APTX: variants seen among roughly 807,000 people sequenced by gnomAD.
The protein encoded by APTX is forkhead-associated domain histidine triad-like protein.
APTX carries 33 observed loss-of-function variants against 42.3 expected under a neutral mutation model. The observed-to-expected ratio is 0.78, with a 90% confidence interval of 0.59 to 1.04. The LOEUF (loss-of-function observed/expected upper bound fraction) is 1.04, where lower values mean the gene tolerates loss of function less well. Ranked by LOEUF, APTX falls within the 50% of genes least tolerant of loss-of-function variation. APTX has a pLI of 0.00. For missense variants in APTX, 421 were observed against 415.1 expected (o/e 1.01, Z -0.12); for synonymous variants, 130 against 146.7 (o/e 0.89, Z 0.82).
At chr9:32,991,052 G>A (rs1339071145) in intron 1 of APTX, among the ~76,000 whole-genome samples, 1 of 151,854 alleles carries the variant, frequency 6.6e-6, no homozygotes, top group Non-Finnish European at 1.5e-5. Flanking sequence ...TCAGCCTCCC[G>A]AGTAGCTGGG....
At chr9:33,014,232 GACCTCTC>G (rs139450483) in intron 1 of APTX, among the ~76,000 whole-genome samples, 10,710 of 152,222 alleles carry the variant, frequency 0.07, 504 homozygotes, top group Non-Finnish European at 0.11. Context: ...CCTGAGGACT[GACCTCTC>G]AGTCTGGTAA....
intron 6 of APTX, among the ~76,000 whole-genome samples, chr9:32,983,854 G>A (rs181089137): frequency 1.7e-4 from 26 of 152,214 alleles, no homozygotes; most frequent in Admixed American, 1.2e-3. Context: ...GAGTGGGAGG[G>A]GGAAATGGAG....
intron 1 of APTX, among the ~76,000 whole-genome samples, chr9:33,014,092 C>A (rs1837730642): frequency 6.6e-6 from 1 of 152,178 alleles, no homozygotes; most frequent in South Asian, 2.1e-4. Flanking sequence ...GTGGCTTGTG[C>A]CTAGGTCTTC....
intron 1 of APTX, among the ~76,000 whole-genome samples, chr9:33,014,651 A>T (rs956249806): frequency 6.6e-6 from 1 of 152,222 alleles, no homozygotes; most frequent in Non-Finnish European, 1.5e-5. Context: ...TTCACTCAAC[A>T]AACACTTCTT....
intron 1 of APTX, chr9:33,020,004 T>A: frequency 2.4e-6 from 1 of 408,702 alleles, no homozygotes; most frequent in South Asian, 9.6e-5. Context: ...TGCTAGGACC[T>A]GACACGTGCG....
chr9:33,007,303 T>C (rs567537394), intron 1 of APTX, among the ~76,000 whole-genome samples: 2 of 152,168 alleles, frequency 1.3e-5, no homozygotes, highest in Non-Finnish European at 2.9e-5. Flanking sequence ...AAGAACTGTA[T>C]GTGGATTCAT....
chr9:33,024,069 G>C (rs1385596389), intron 1 of APTX, among the ~76,000 whole-genome samples: 1 of 152,182 alleles, frequency 6.6e-6, no homozygotes, highest in Admixed American at 6.5e-5. Context: ...GGTTAATATA[G>C]GAGGCTCTCC....
chr9:33,006,377 A>G (rs1485244260), upstream of APTX, among the ~76,000 whole-genome samples: 2 of 152,346 alleles, frequency 1.3e-5, no homozygotes, highest in Non-Finnish European at 1.5e-5. Flanking sequence ...AATAGCTGCC[A>G]TGTGCTCTCC....
intron 6 of APTX, among the ~76,000 whole-genome samples, chr9:32,983,663 T>G (rs944505560): frequency 1.3e-5 from 2 of 151,814 alleles, no homozygotes; most frequent in African/African-American, 4.8e-5. Context: ...GCAGAGAAAA[T>G]CCTGTCACAT....
chr9:33,002,339 C>G (rs1836705770), upstream of APTX, among the ~76,000 whole-genome samples: 1 of 152,148 alleles, frequency 6.6e-6, no homozygotes, highest in Admixed American at 6.6e-5. Context: ...GAATTTTCTG[C>G]TAGGCCCATC....
chr9:32,993,616 G>A (rs1455661857), intron 1 of APTX, among the ~76,000 whole-genome samples: 4 of 151,708 alleles, frequency 2.6e-5, no homozygotes, highest in Non-Finnish European at 5.9e-5. Context: ...TTCCTTCTAT[G>A]GCTCTTCTTA....
At chr9:33,001,497 G>T (rs760383496) in intron 1 of APTX, 70 bp downstream of exon 1, 4 of 1,609,518 alleles carry the variant, frequency 2.5e-6, no homozygotes, top group Middle Eastern at 1.7e-4. Context: ...GGTAGGAGCA[G>T]CCTCGGCCGA....
In APTX at chr9:32,995,842, C is replaced by T. The variant is rs549224053; in HGVS notation, c.-5+5725G>A. 2.0e-5 allele frequency among the ~76,000 whole-genome samples: 3 copies of T among 150,686 alleles called. No homozygotes were observed. In the South Asian group the frequency reaches 6.4e-4, roughly 32 times the overall value. On this transcript the variant is annotated intron_variant, in intron 1 of 7. Transcript: ENST00000379817. The stretch of plus-strand genomic sequence containing the variant: ...GGCGGAGCTTGCAGTGAACCGAGAT[C>T]GCGCCACTGCACTCCAGCCTGGGCG...
At chr9:32,982,774 G>A (rs1160309917) in intron 6 of APTX, among the ~76,000 whole-genome samples, 1 of 152,162 alleles carries the variant, frequency 6.6e-6, no homozygotes, top group Non-Finnish European at 1.5e-5. Flanking sequence ...GTGGCCAAGG[G>A]CTCTGTTAGT....
intron 1 of APTX, among the ~76,000 whole-genome samples, chr9:33,010,076 T>C (rs1336120270): frequency 1.3e-5 from 2 of 152,210 alleles, no homozygotes; most frequent in Non-Finnish European, 2.9e-5. Context: ...CTTTAAAGAC[T>C]GATGGGGCTG....
At chr9:33,016,256 G>A (rs1315093358) in intron 1 of APTX, 1 of 152,150 alleles carries the variant, frequency 6.6e-6, no homozygotes, top group East Asian at 1.9e-4. Flanking sequence ...AGAAAGTATT[G>A]TTGCTGACAC....
chr9:32,976,053 T>G (rs1248276482), intron 6 of APTX, among the ~76,000 whole-genome samples: 3 of 152,198 alleles, frequency 2.0e-5, no homozygotes, highest in Non-Finnish European at 4.4e-5. Flanking sequence ...AAAAACAAAT[T>G]TTGTTTTGTT....
At chr9:32,977,633 C>T (rs750183259) in intron 6 of APTX, among the ~76,000 whole-genome samples, 2 of 152,120 alleles carry the variant, frequency 1.3e-5, no homozygotes, top group Admixed American at 6.5e-5. Flanking sequence ...GAGTTCAAGA[C>T]CAGCCTGGCC....
At chr9:32,984,604 G>A (rs776867967) in intron 6 of APTX, 27 bp downstream of exon 6, 18 of 1,606,880 alleles carry the variant, frequency 1.1e-5, no homozygotes, top group Admixed American at 1.7e-5. Flanking sequence ...AGAACCAGGA[G>A]CCAGCAGCAC....
Sources: allele counts gnomAD v4.1 joint callset (sites outside exome capture counted in the v4.1 genomes callset), GRCh38; gene constraint gnomAD v4.1.1; transcripts MANE v1.5; gene names NCBI Gene and HGNC (gene_info 2026-07-23, HGNC 2026-07-21).